BTBD9: variants seen among roughly 807,000 people sequenced by gnomAD.
BTBD9 encodes the protein BTB/POZ domain-containing protein 9.
In BTBD9, 49 loss-of-function variants were observed where a neutral mutation model predicts 64.3. The observed-to-expected ratio is 0.76, with a 90% CI of 0.61 to 0.97. The LOEUF (loss-of-function observed/expected upper bound fraction) is 0.97, where lower values mean the gene tolerates loss of function less well. BTBD9 is among the 50% of genes least tolerant of loss of function. BTBD9 has a pLI of 0.00. For synonymous variants in BTBD9, 260 were observed against 274.7 expected (o/e 0.95, Z 0.53); for missense variants, 598 against 762.1 (o/e 0.78, Z 2.53).
intron 9 of BTBD9, among the ~76,000 whole-genome samples, chr6:38,216,437 G>C (rs181698490): frequency 2.0e-5 from 3 of 152,286 alleles, no homozygotes; most frequent in East Asian, 3.9e-4. Flanking sequence ...AGTCTATCAA[G>C]CCTTCTGCAG....
At chr6:38,504,504 C>G (rs1449025767) in intron 6 of BTBD9, 5 of 456,522 alleles carry the variant, frequency 1.1e-5, no homozygotes, top group African/African-American at 4.0e-5. Flanking sequence ...CTTTTGAGGA[C>G]TTTGCACTGT....
intron 6 of BTBD9, among the ~76,000 whole-genome samples, chr6:38,395,028 A>G (rs1261059517): frequency 6.6e-6 from 1 of 152,088 alleles, no homozygotes; most frequent in Non-Finnish European, 1.5e-5. Flanking sequence ...CCCAAAGTTC[A>G]TATGTTGAAA....
At chr6:38,208,391 A>G (rs1762725209) in intron 9 of BTBD9, among the ~76,000 whole-genome samples, 1 of 152,188 alleles carries the variant, frequency 6.6e-6, no homozygotes, top group Admixed American at 6.5e-5. Flanking sequence ...CAAGGACCAC[A>G]TTCATCTCTT....
chr6:38,416,019 G>A (rs780451035), intron 6 of BTBD9, among the ~76,000 whole-genome samples: 1 of 152,120 alleles, frequency 6.6e-6, no homozygotes, highest in East Asian at 1.9e-4. Context: ...TCAAAACATC[G>A]CTAAGGCACT....
intron 6 of BTBD9, among the ~76,000 whole-genome samples, chr6:38,373,403 C>T (rs974767811): frequency 1.3e-5 from 2 of 152,270 alleles, no homozygotes; most frequent in Admixed American, 6.5e-5. Flanking sequence ...GTATTTCCCA[C>T]GTTCTTAGTA....
chr6:38,296,127 G>T (rs1762151091), intron 7 of BTBD9, among the ~76,000 whole-genome samples: 1 of 152,162 alleles, frequency 6.6e-6, no homozygotes, highest in Non-Finnish European at 1.5e-5. Context: ...CCTTTACCAT[G>T]CTGTCTTAAT....
At chr6:38,193,655 C>A (rs1009691033) in intron 9 of BTBD9, among the ~76,000 whole-genome samples, 1 of 152,194 alleles carries the variant, frequency 6.6e-6, no homozygotes, top group Non-Finnish European at 1.5e-5. Context: ...CGACTGTAAA[C>A]TCCAATAATA....
In BTBD9 at chr6:38,572,348, G is replaced by A. The variant is rs1406397732; in HGVS notation, c.1154+5252C>T. Among the ~76,000 whole-genome samples, 6 of 152,084 alleles carry A rather than the reference G, an allele frequency of 3.9e-5. No individual in the cohort carries two copies. The East Asian group carries it at 1.2e-3, about 29-fold the overall frequency. On this transcript the variant is annotated intron_variant, in intron 6 of 10. Coordinates refer to ENST00000481247, the MANE Select transcript of BTBD9 (RefSeq NM_001099272.2). Reference sequence around the variant, plus strand: ...CATAAAATCTATTTCCTTAGCTGGTGAAGCATGCCTAAATTTCCTGTTGTA... The same window carrying A: ...CATAAAATCTATTTCCTTAGCTGGTAAAGCATGCCTAAATTTCCTGTTGTA...
intron 6 of BTBD9, among the ~76,000 whole-genome samples, chr6:38,396,445 G>A (rs1441184391): frequency 2.0e-5 from 3 of 152,204 alleles, no homozygotes; most frequent in Non-Finnish European, 2.9e-5. Flanking sequence ...GTTGCCAAGC[G>A]GTTGGAGGAA....
chr6:38,225,484 G>A (rs1042157003), intron 9 of BTBD9, among the ~76,000 whole-genome samples: 1 of 152,186 alleles, frequency 6.6e-6, no homozygotes, highest in Non-Finnish European at 1.5e-5. Context: ...ATGTCCTCCT[G>A]TGGAACCATT....
intron 9 of BTBD9, among the ~76,000 whole-genome samples, chr6:38,229,016 G>A (rs1031296398): frequency 3.9e-5 from 6 of 152,112 alleles, no homozygotes; most frequent in African/African-American, 1.4e-4. Flanking sequence ...GGCCAACATA[G>A]TGAAACCCCG....
rs368219474 is a variant in BTBD9, at chr6:38,465,834, C to CTTTT, written c.1154+111762_1154+111765dup. ...TTTTTATCTTTTTCTTTCTTTTTTCCTTTTTTTTTTTTTTTTGAGACAGTC... is the reference window on the plus strand; with the variant it reads ...TTTTTATCTTTTTCTTTCTTTTTTCCTTTTTTTTTTTTTTTTTTTTGAGACAGTC... On this transcript the variant is annotated intron_variant, in intron 6 of 10. Coordinates refer to ENST00000481247, the MANE Select transcript of BTBD9 (RefSeq NM_001099272.2). Among the ~76,000 whole-genome samples the CTTTT allele has an allele frequency of 2.7e-3, 187 of 69,624 alleles. 18 individuals are homozygous for CTTTT. Among genetic ancestry groups the CTTTT allele is most frequent in the African/African-American group, 8.2e-3 (139 of 16,978 alleles). 45.7% of individuals were successfully genotyped at this position (69,624 alleles called of 152,430 possible).
chr6:38,454,574 CT>C (rs1769711172), intron 6 of BTBD9, among the ~76,000 whole-genome samples: 3 of 150,998 alleles, frequency 2.0e-5, no homozygotes, highest in South Asian at 4.2e-4. Context: ...ACACATGAGG[CT>C]CACTTGAGAC....
In BTBD9 at chr6:38,174,746, A is replaced by AT; in HGVS notation, c.*238dup. ...GGTGTTAATGGTGGACTTGATGAAGATTGAAGACCCATTTTCTCCCCCTTG... is the reference window on the plus strand; with the variant it reads ...GGTGTTAATGGTGGACTTGATGAAGATTTGAAGACCCATTTTCTCCCCCTTG... On this transcript the variant is annotated 3_prime_UTR_variant, in exon 11 of 11. Transcript: ENST00000481247. 3.7e-6 allele frequency: 2 copies of AT among 544,328 alleles called. No homozygotes were observed. The highest frequency in any genetic ancestry group is 6.5e-6 in the Non-Finnish European group (2 of 308,642). 33.7% of individuals were successfully genotyped at this position (544,328 alleles called of 1,614,324 possible). A position where few individuals can be genotyped will look rare whatever the true frequency, so the allele number is the denominator to read the frequency against.
intron 6 of BTBD9, among the ~76,000 whole-genome samples, chr6:38,473,946 T>C (rs1015441381): frequency 1.3e-5 from 2 of 152,078 alleles, no homozygotes; most frequent in East Asian, 3.8e-4. Context: ...AGAAAGGCAA[T>C]GTGTTGGGAA....
At chr6:38,449,765 G>T (rs1242278969) in intron 6 of BTBD9, among the ~76,000 whole-genome samples, 1 of 151,640 alleles carries the variant, frequency 6.6e-6, no homozygotes, top group Non-Finnish European at 1.5e-5. Context: ...AAAAAAAAAA[G>T]ATAAAAATCA....
intron 6 of BTBD9, among the ~76,000 whole-genome samples, chr6:38,520,616 T>A (rs749431771): frequency 6.6e-6 from 1 of 152,042 alleles, no homozygotes. Flanking sequence ...AAGTTAGTTT[T>A]AAAAAATTAA....
At chr6:38,226,664 A>T (rs542120295) in intron 9 of BTBD9, among the ~76,000 whole-genome samples, 63 of 152,238 alleles carry the variant, frequency 4.1e-4, no homozygotes, top group Non-Finnish European at 8.1e-4. Context: ...AACAAGTATT[A>T]AAAATGCTCA....
chr6:38,374,307 G>GTATATATA (rs1326025092), intron 6 of BTBD9, among the ~76,000 whole-genome samples: 9 of 59,092 alleles, frequency 1.5e-4, no homozygotes, highest in South Asian at 6.4e-4. Flanking sequence ...GTATATATAT[G>GTATATATA]TATATATATA....
Sources: allele counts gnomAD v4.1 joint callset (sites outside exome capture counted in the v4.1 genomes callset), GRCh38; gene constraint gnomAD v4.1.1; transcripts MANE v1.5; gene names NCBI Gene and HGNC (gene_info 2026-07-23, HGNC 2026-07-21).